Variants in BDP1 observed in about 807,000 individuals in gnomAD.
BDP1 encodes the protein transcription factor TFIIIB component B'' homolog.
Under a neutral mutation model 266.6 loss-of-function variants are expected in BDP1, and 169 were observed. That is an observed-to-expected ratio of 0.63 (90% confidence interval 0.56 to 0.72). The LOEUF (loss-of-function observed/expected upper bound fraction) is 0.72, where lower values mean the gene tolerates loss of function less well. Among genes scored for constraint, BDP1 ranks in the 30% least tolerant of loss-of-function variants. The probability of loss-of-function intolerance (pLI) is 0.00; values close to 1 mark genes in which losing one functional copy is unlikely to be tolerated. For synonymous variants in BDP1, 1,090 were observed against 1,022.4 expected (o/e 1.07, Z -1.26); for missense variants, 3,015 against 3,053.8 (o/e 0.99, Z 0.30).
At chr5:71,539,155 T>A in intron 27 of BDP1, 77 bp downstream of exon 27, 1 of 980,974 alleles carries the variant, frequency 1.0e-6, no homozygotes, top group Non-Finnish European at 1.5e-6. Flanking sequence ...GGATAATAAA[T>A]GAATCAGTTT....
intron 8 of BDP1, among the ~76,000 whole-genome samples, chr5:71,485,029 AGTG>A (rs1394351657): frequency 6.6e-6 from 1 of 152,218 alleles, no homozygotes; most frequent in Non-Finnish European, 1.5e-5. Context: ...ATATTAGAGA[AGTG>A]GTCCTGAAAC....
intron 7 of BDP1, among the ~76,000 whole-genome samples, chr5:71,481,354 C>T (rs1230799388): frequency 1.5e-5 from 2 of 136,094 alleles, no homozygotes; most frequent in African/African-American, 5.5e-5. Context: ...AGTTCAAACC[C>T]AGACTGAGCA....
intron 7 of BDP1, among the ~76,000 whole-genome samples, chr5:71,481,472 G>C (rs960310361): frequency 2.0e-5 from 3 of 150,410 alleles, no homozygotes; most frequent in African/African-American, 7.3e-5. Context: ...CAGGAGGATT[G>C]CTTGAGCCTG....
chr5:71,466,176 G>A lies in BDP1; in HGVS notation c.740G>A (p.Arg247Gln), dbSNP rs567222269. 17 of 1,613,944 alleles carry A rather than the reference G, an allele frequency of 1.1e-5. No individual in the cohort carries two copies. In the East Asian group the frequency reaches 2.9e-4, roughly 28 times the overall value. ...GATGATGGGCCATTACTGGTTCCTC[G>A]AGTAAAAGTGGCAGAAGATGGTTCC... ...ETDDGPLLVP[R>Q]VKVAEDGSII... The change falls in exon 5 of 39, where the codon CGA (arginine) becomes CAA (glutamine). Residue 247 changes from arginine to glutamine, a missense_variant. This residue lies in a region of BDP1 where 2,383 missense variants were observed against 2,404.9 expected (regional missense o/e 0.99). Transcript: ENST00000358731.
intron 7 of BDP1, among the ~76,000 whole-genome samples, chr5:71,483,163 G>C (rs764904305): frequency 6.6e-5 from 10 of 152,088 alleles, no homozygotes; most frequent in Admixed American, 6.6e-4. Flanking sequence ...GATCACTGAC[G>C]TGTAGATGGG....
chr5:71,576,508 C>A, the BDP1 span, among the ~76,000 whole-genome samples: 1 of 152,150 alleles, frequency 6.6e-6, no homozygotes, highest in Non-Finnish European at 1.5e-5. Context: ...TGCTAACCAA[C>A]CATTCCTGGC....
At chr5:71,553,816 C>T (rs189771215) in intron 35 of BDP1, among the ~76,000 whole-genome samples, 1 of 152,206 alleles carries the variant, frequency 6.6e-6, no homozygotes, top group Non-Finnish European at 1.5e-5. Flanking sequence ...GTGCCAGCTT[C>T]TGCCTCACTT....
At chr5:71,529,325 G>A (rs1766093625) in intron 25 of BDP1, among the ~76,000 whole-genome samples, 1 of 152,088 alleles carries the variant, frequency 6.6e-6, no homozygotes, top group Non-Finnish European at 1.5e-5. Flanking sequence ...AGAAGGCAAT[G>A]GTTGTGGTGA....
chr5:71,477,419 C>G (rs1370938152), intron 7 of BDP1, among the ~76,000 whole-genome samples: 1 of 151,986 alleles, frequency 6.6e-6, no homozygotes, highest in African/African-American at 2.4e-5. Flanking sequence ...AAAGTGCTGG[C>G]GTTACAGGCA....
intron 25 of BDP1, among the ~76,000 whole-genome samples, chr5:71,530,650 C>T (rs945398376): frequency 1.3e-5 from 2 of 152,142 alleles, no homozygotes; most frequent in African/African-American, 4.8e-5. Context: ...CTCCGAGTAG[C>T]TAGAACTACA....
Position 71,522,346 on chromosome 5 carries a change from A to G in BDP1, c.5049A>G (p.Gln1683=). The G allele has an allele frequency of 6.2e-7, 1 of 1,614,082 alleles. No homozygotes were observed. Among genetic ancestry groups the G allele is most frequent in the Non-Finnish European group, 8.5e-7 (1 of 1,179,990 alleles). ...CACAAATGACAAGAAGGAAATTCCA[A>G]AAGGCTAAGCCAAATTTGGGAAGAG... ...SSAQMTRRKF[Q]KAKPNLGRAH... Residue 1683 remains glutamine (Q), a synonymous_variant, in exon 23 of 39, where the codon CAA becomes CAG. Coordinates refer to ENST00000358731, the MANE Select transcript of BDP1 (RefSeq NM_018429.3).
At position 71,510,455 on chromosome 5, in the gene BDP1, C is replaced by T. The variant is rs748683249; in HGVS notation, c.3363C>T (p.Thr1121=). Residue 1121 remains threonine (T), a synonymous_variant, in exon 17 of 39, where the codon ACC becomes ACT. Coordinates refer to ENST00000358731, the MANE Select transcript of BDP1 (RefSeq NM_018429.3). ...AAATGCAAACAGATTTGAAAGCAAC[C>T]GGAAGGGAGATTTCCCCAAGGGAGA... ...LGEMQTDLKA[T]GREISPREKT... The T allele has an allele frequency of 1.2e-5, 20 of 1,606,484 alleles. No individual in the cohort carries two copies. Among genetic ancestry groups the T allele is most frequent in the East Asian group, 4.5e-5 (2 of 44,392 alleles).
chr5:71,544,684 C>T (rs902598083), intron 31 of BDP1, among the ~76,000 whole-genome samples, 177 bp downstream of exon 31: 2 of 151,868 alleles, frequency 1.3e-5, no homozygotes, highest in African/African-American at 4.8e-5. Flanking sequence ...TCGAGACCAT[C>T]CTGGCTAACA....
intron 2 of BDP1, among the ~76,000 whole-genome samples, chr5:71,459,190 A>G (rs1180375333): frequency 6.6e-6 from 1 of 152,208 alleles, no homozygotes; most frequent in Non-Finnish European, 1.5e-5. Flanking sequence ...AAGATGTCCA[A>G]GTGATAAGTG....
rs1456624550 is a variant in BDP1, at chr5:71,567,757, C to G, written c.*2872C>G. The G allele has an allele frequency of 6.6e-6, 1 of 152,370 alleles. No individual in the cohort carries two copies. The highest frequency in any genetic ancestry group is 1.5e-5 in the Non-Finnish European group (1 of 67,982). 9.4% of individuals were successfully genotyped at this position (152,370 alleles called of 1,614,324 possible). A position where few individuals can be genotyped will look rare whatever the true frequency, so the allele number is the denominator to read the frequency against. On this transcript the variant is annotated 3_prime_UTR_variant, in exon 39 of 39. Transcript: ENST00000358731. Reference sequence around the variant, plus strand: ...CAATATCATGTCATTTATAAATTTTCTTGTTCTAAAGAAAGCAGTTATATA... The same window carrying G: ...CAATATCATGTCATTTATAAATTTTGTTGTTCTAAAGAAAGCAGTTATATA...
At chr5:71,491,351 A>G (rs2150412737) in intron 11 of BDP1, among the ~76,000 whole-genome samples, 1 of 150,284 alleles carries the variant, frequency 6.7e-6, no homozygotes, top group South Asian at 2.1e-4. Context: ...TCCTTCTGGT[A>G]TTGCTCTTTT....
At chr5:71,474,845 TG>T (rs1292935136) in intron 7 of BDP1, among the ~76,000 whole-genome samples, 7 of 112,730 alleles carry the variant, frequency 6.2e-5, no homozygotes, top group African/African-American at 2.2e-4. Context: ...AGACTCTGTC[TG>T]AAAAAAAAAA....
At chr5:71,509,282 G>A (rs544569710) in intron 16 of BDP1, among the ~76,000 whole-genome samples, 183 bp from the exon 17 acceptor site, 2 of 151,982 alleles carry the variant, frequency 1.3e-5, no homozygotes, top group East Asian at 3.9e-4. Flanking sequence ...TTATTGCTGT[G>A]ATTTCAAAAG....
At chr5:71,474,403 A>G (rs1323268800) in intron 7 of BDP1, among the ~76,000 whole-genome samples, 1 of 151,586 alleles carries the variant, frequency 6.6e-6, no homozygotes, top group African/African-American at 2.4e-5. Flanking sequence ...GCTGACTGCA[A>G]ACTCCACCTC....
Sources: gnomAD v4.1 joint callset for allele counts (sites outside exome capture counted in the v4.1 genomes callset) on GRCh38, gnomAD v4.1.1 for gene constraint, gnomAD v4.1.1 regional missense constraint, MANE v1.5 for transcripts, NCBI Gene and HGNC (gene_info 2026-07-23, HGNC 2026-07-21) for gene names.